CCDC171: variants seen among roughly 807,000 people sequenced by gnomAD.
CCDC171 encodes coiled-coil domain containing 171, also known as coiled-coil domain-containing protein 171.
Under a neutral mutation model 168.2 loss-of-function variants are expected in CCDC171, and 177 were observed. The ratio of observed to expected loss-of-function variants is 1.05; its 90% confidence interval spans 0.93 to 1.19. The LOEUF is 1.19. Among genes scored for constraint, CCDC171 ranks in the 50% most tolerant of loss-of-function variants. The pLI is 0.00. For synonymous variants in CCDC171, 687 were observed against 540.8 expected, an observed-to-expected ratio of 1.27 and a Z score of -3.75; for missense variants, 1,991 against 1,539.0, an observed-to-expected ratio of 1.29 and a Z score of -4.91.
At position 15,992,527 on chromosome 9, in the gene CCDC171, C is replaced by T. The variant is rs1013245727; in HGVS notation, n.369-28062C>T. Among the ~76,000 whole-genome samples, 97 of 152,130 alleles carry T rather than the reference C, an allele frequency of 6.4e-4. 2 individuals carry two copies. Among genetic ancestry groups the T allele is most frequent in the Admixed American group, 4.6e-3 (71 of 15,276 alleles). ...AAACTGGAAGCATTCCCTTTGAAAA[C>T]GGGCACAAGACAGGGATGCCCTCTC... is the stretch of plus-strand genomic sequence containing the variant. On this transcript the variant is annotated intron_variant and non_coding_transcript_variant, in intron 3 of 9. Coordinates refer to the CCDC171 transcript ENST00000486641.
At chr9:15,705,153 T>C (rs764818904) in intron 11 of CCDC171, among the ~76,000 whole-genome samples, 2 of 150,740 alleles carry the variant, frequency 1.3e-5, no homozygotes, top group African/African-American at 2.4e-5. Flanking sequence ...AGTGTGGTGA[T>C]GGACGTGTTA....
intron 25 of CCDC171, among the ~76,000 whole-genome samples, chr9:15,943,632 C>T (rs1014871876): frequency 1.3e-5 from 2 of 151,862 alleles, no homozygotes; most frequent in Admixed American, 6.6e-5. Context: ...AAGTGCCCAA[C>T]GAAGGTTTAT....
intron 24 of CCDC171, among the ~76,000 whole-genome samples, chr9:15,904,610 C>G (rs1272917127): frequency 2.0e-5 from 3 of 152,160 alleles, no homozygotes; most frequent in African/African-American, 4.8e-5. Context: ...AAAACTGCAT[C>G]AACTAACGAG....
chr9:15,990,388 C>T (rs1412234010), intron 3 of CCDC171, among the ~76,000 whole-genome samples: 1 of 152,148 alleles, frequency 6.6e-6, no homozygotes, highest in Non-Finnish European at 1.5e-5. Flanking sequence ...GAGTTTTTGT[C>T]ACCATCAAGC....
intron 24 of CCDC171, among the ~76,000 whole-genome samples, chr9:15,911,878 G>T (rs1823702316): frequency 6.6e-6 from 1 of 152,264 alleles, no homozygotes; most frequent in Admixed American, 6.5e-5. Flanking sequence ...TGTTATTTCT[G>T]AGGCCTCTGT....
the CCDC171 span, among the ~76,000 whole-genome samples, chr9:16,105,866 A>G: frequency 1.1e-4 from 17 of 152,210 alleles, no homozygotes; most frequent in Non-Finnish European, 2.1e-4. Context: ...GAGTTTGTAT[A>G]TATTATAAAC....
rs1269660784 is a variant in CCDC171, at chr9:15,819,642, G to A, written c.3268-27060G>A. On this transcript the variant is annotated intron_variant, in intron 21 of 25. Transcript: ENST00000380701. ...ATAAATTCAACAAGAAGAACTAACT[G>A]TCCTAAATATATATGCACCCAATAC... Among the ~76,000 whole-genome samples, 4 of 117,256 alleles carry A rather than the reference G, an allele frequency of 3.4e-5. 1 individual carries two copies. Among genetic ancestry groups the A allele is most frequent in the Admixed American group, 8.0e-5 (1 of 12,440 alleles). 76.9% of individuals were successfully genotyped at this position (117,256 alleles called of 152,430 possible).
intron 24 of CCDC171, among the ~76,000 whole-genome samples, chr9:15,906,327 G>T (rs1433225301): frequency 6.6e-6 from 1 of 152,178 alleles, no homozygotes; most frequent in African/African-American, 2.4e-5. Context: ...TATCCACCAT[G>T]ATCAAGTGGG....
chr9:15,656,750 G>C (rs2047967732), intron 7 of CCDC171, among the ~76,000 whole-genome samples: 1 of 152,196 alleles, frequency 6.6e-6, no homozygotes, highest in African/African-American at 2.4e-5. Context: ...GTGAGGGCTG[G>C]AGGAAGGCAT....
At chr9:16,065,401 G>C (rs941587001), downstream of CCDC171, among the ~76,000 whole-genome samples, 5 of 152,152 alleles carry the variant, frequency 3.3e-5, no homozygotes, top group African/African-American at 1.2e-4. Flanking sequence ...TTGTCTCTCT[G>C]TGGGTGCCAG....
chr9:15,793,573 T>TTTTTTTTTTTTTTTTTTTTTC (rs2058391390), intron 21 of CCDC171, among the ~76,000 whole-genome samples: 1 of 86,920 alleles, frequency 1.2e-5, no homozygotes, highest in African/African-American at 3.4e-5. Context: ...TTTTTTTTTT[T>TTTTTTTTTTTTTTTTTTTTTC]TTTTTTTGAG....
At chr9:16,070,139 A>G in the CCDC171 span, among the ~76,000 whole-genome samples, 1 of 152,144 alleles carries the variant, frequency 6.6e-6, no homozygotes, top group Non-Finnish European at 1.5e-5. Flanking sequence ...GCGGCCTGGA[A>G]AGAAAGAGTG....
chr9:15,906,829 T>A (rs202142130), intron 24 of CCDC171, among the ~76,000 whole-genome samples: 4 of 152,198 alleles, frequency 2.6e-5, no homozygotes, highest in South Asian at 2.1e-4. Flanking sequence ...GCAAAGTCTC[T>A]GGATACAAAA....
intron 20 of CCDC171, among the ~76,000 whole-genome samples, chr9:15,783,356 C>T (rs374723329): frequency 2.6e-5 from 4 of 152,146 alleles, no homozygotes; most frequent in Non-Finnish European, 5.9e-5. Flanking sequence ...ACAATAGTTA[C>T]TAGATGCTTA....
intron 4 of CCDC171, among the ~76,000 whole-genome samples, chr9:15,588,199 T>G (rs200712384): frequency 6.6e-6 from 1 of 152,078 alleles, no homozygotes; most frequent in Admixed American, 6.6e-5. Flanking sequence ...TGCGCCACTG[T>G]ACTCCAGCCT....
intron 18 of CCDC171, among the ~76,000 whole-genome samples, chr9:15,751,183 C>G (rs754204971): frequency 4.6e-5 from 7 of 152,122 alleles, no homozygotes; most frequent in Non-Finnish European, 8.8e-5. Flanking sequence ...CTTCCAGTTG[C>G]TACAAAGAGA....
At chr9:15,910,316 AAT>A (rs773825455) in intron 24 of CCDC171, among the ~76,000 whole-genome samples, 5 of 152,172 alleles carry the variant, frequency 3.3e-5, no homozygotes, top group Non-Finnish European at 5.9e-5. Flanking sequence ...TTGTTATAAC[AAT>A]AGGGTATAAT....
At chr9:15,758,755 G>T (rs565489135) in intron 18 of CCDC171, among the ~76,000 whole-genome samples, 1 of 152,210 alleles carries the variant, frequency 6.6e-6, no homozygotes, top group South Asian at 2.1e-4. Flanking sequence ...TACTGTTCTC[G>T]TGGTAGTGAA....
chr9:15,678,115 T>C (rs560138710), intron 9 of CCDC171, among the ~76,000 whole-genome samples: 6 of 151,134 alleles, frequency 4.0e-5, no homozygotes, highest in Admixed American at 6.6e-5. Flanking sequence ...CTTGTTTTGT[T>C]GCCCAGGCTG....
Sources: allele counts gnomAD v4.1 joint callset (sites outside exome capture counted in the v4.1 genomes callset), GRCh38; gene constraint gnomAD v4.1.1; transcripts MANE v1.5; gene names NCBI Gene and HGNC (gene_info 2026-07-23, HGNC 2026-07-21).